Variants in FGD2 observed in about 807,000 individuals in gnomAD.
The protein encoded by FGD2 is FYVE, RhoGEF and PH domain containing 2, also known as FYVE, RhoGEF and PH domain-containing protein 2.
A neutral mutation model predicts 75.9 loss-of-function variants in FGD2; 52 were observed. The ratio of observed to expected loss-of-function variants is 0.69; its 90% CI spans 0.55 to 0.86. The LOEUF (loss-of-function observed/expected upper bound fraction) is 0.86. FGD2 is among the 40% of genes least tolerant of loss of function. The pLI, the probability that FGD2 is intolerant of heterozygous loss-of-function variation, is 0.00. For synonymous variants in FGD2, 347 were observed against 348.6 expected, an observed-to-expected ratio of 1.00 and a Z score of 0.05; for missense variants, 790 against 872.0, an observed-to-expected ratio of 0.91 and a Z score of 1.18.
At chr6:37,023,426 C>T (rs377365122) in intron 13 of FGD2, 1 of 152,352 alleles carries the variant, frequency 6.6e-6, no homozygotes, top group East Asian at 1.9e-4. Flanking sequence ...GTACTGTGTC[C>T]ACTACAGTTT....
chr6:37,027,938 C>T lies in FGD2; in HGVS notation c.1753-10C>T. The T allele has an allele frequency of 6.2e-7, 1 of 1,613,374 alleles. No homozygotes were observed. Among genetic ancestry groups the T allele is most frequent in the African/African-American group, 1.3e-5 (1 of 75,048 alleles). Reference sequence around the variant, plus strand: ...GGGGACAGTGGCCCACTGCTCTCTCCTCCCCCCAGGACATGAGGGCTCACA... The same window carrying T: ...GGGGACAGTGGCCCACTGCTCTCTCTTCCCCCCAGGACATGAGGGCTCACA... On this transcript the variant is annotated splice_polypyrimidine_tract_variant and intron_variant, in intron 15 of 15. Transcript: ENST00000274963.
Position 37,013,686 on chromosome 6 carries a change from A to C in FGD2, c.605A>C (p.Asn202Thr), listed in dbSNP as rs1171224213. Residue 202 changes from asparagine to threonine, a missense_variant, in exon 5 of 16, where the codon AAC (asparagine) becomes ACC (threonine). Asn to Thr is a moderately conservative substitution (Grantham distance 65). Coordinates refer to ENST00000274963, the MANE Select transcript of FGD2 (RefSeq NM_173558.4). Reference sequence around the variant, plus strand: ...AAGATGTACAGTGAGTATGTCAAGAACTTTGAGCGAGCGGCTGAGCTGCTG... The same window carrying C: ...AAGATGTACAGTGAGTATGTCAAGACCTTTGAGCGAGCGGCTGAGCTGCTG... ...FLKMYSEYVK[N>T]FERAAELLAT... 6.2e-7 allele frequency: 1 copy of C among 1,613,964 alleles called. No homozygotes were observed. The highest frequency in any genetic ancestry group is 1.3e-5 in the African/African-American group (1 of 74,896).
At position 37,008,758 on chromosome 6, in the gene FGD2, A is replaced by C. The variant is rs1464902570; in HGVS notation, c.69-76A>C. 12 of 1,443,084 alleles carry C rather than the reference A, an allele frequency of 8.3e-6. 1 individual carries two copies. In the East Asian group the frequency reaches 2.8e-4, roughly 34 times the overall value. 89.4% of individuals were successfully genotyped at this position (1,443,084 alleles called of 1,614,324 possible). A position where few individuals can be genotyped will look rare whatever the true frequency, so the allele number is the denominator to read the frequency against. On this transcript the variant is annotated intron_variant, in intron 1 of 15. Coordinates refer to ENST00000274963, the MANE Select transcript of FGD2 (RefSeq NM_173558.4). Reference sequence around the variant, plus strand: ...CTGGGGATTTGCACCAGGCAACCCAAATCCACACCAGGGACTTGCTGCTGT... The same window carrying C: ...CTGGGGATTTGCACCAGGCAACCCACATCCACACCAGGGACTTGCTGCTGT...
intron 4 of FGD2, 95 bp downstream of exon 4, chr6:37,011,949 C>G: frequency 7.1e-7 from 1 of 1,409,120 alleles, no homozygotes; most frequent in Non-Finnish European, 9.5e-7. Flanking sequence ...CCTCCTAGGC[C>G]CAGGCCCTTA....
At chr6:37,006,029 G>A in intron 1 of FGD2, 144 bp downstream of exon 1, 1 of 912,044 alleles carries the variant, frequency 1.1e-6, no homozygotes, top group Non-Finnish European at 1.7e-6. Flanking sequence ...ATTCCTTGGA[G>A]CATGGGAGAG....
In FGD2 at chr6:37,015,763, T is replaced by C; in HGVS notation, c.1030-5T>C. ...ACGGGCCACTCACGCCTGTGTCTCC[T>C]GCAGTTCAACAACATGCTGCTCTAC... On this transcript the variant is annotated splice_polypyrimidine_tract_variant and splice_region_variant and intron_variant, in intron 8 of 15. Transcript: ENST00000274963. The C allele has an allele frequency of 6.3e-7, 1 of 1,581,358 alleles. No homozygotes were observed. Among genetic ancestry groups the C allele is most frequent in the African/African-American group, 1.3e-5 (1 of 74,752 alleles).
chr6:37,019,027 G>C (rs1285245109), intron 9 of FGD2, among the ~76,000 whole-genome samples: 3 of 152,170 alleles, frequency 2.0e-5, no homozygotes, highest in African/African-American at 4.8e-5. Flanking sequence ...TGGACCCTCA[G>C]GTCAGGAGCC....
At chr6:37,020,975 T>C (rs911694291) in intron 11 of FGD2, among the ~76,000 whole-genome samples, 1 of 151,350 alleles carries the variant, frequency 6.6e-6, no homozygotes, top group African/African-American at 2.4e-5. Flanking sequence ...TTTGTGTGTG[T>C]GTTTGTGTGT....
At chr6:37,011,640 TC>T (rs1226259477) in intron 3 of FGD2, 65 bp from the exon 4 acceptor site, 3 of 1,603,166 alleles carry the variant, frequency 1.9e-6, no homozygotes, top group Non-Finnish European at 2.6e-6. Flanking sequence ...GGACCCTAGT[TC>T]CCCCGGGCTG....
chr6:37,027,388 C>T (rs142515061), intron 14 of FGD2, 41 bp from the exon 15 acceptor site: 14 of 1,569,682 alleles, frequency 8.9e-6, no homozygotes, highest in Middle Eastern at 1.7e-4. Context: ...CTGGCACTTG[C>T]GGCTGCTCTG....
chr6:37,014,733 T>A, intron 7 of FGD2, 29 bp downstream of exon 7: 1 of 1,613,758 alleles, frequency 6.2e-7, no homozygotes, highest in African/African-American at 1.3e-5. Context: ...CCTGGAGCCC[T>A]GTCCCCCTCC....
In FGD2 at chr6:37,006,161, C is replaced by T. The variant is rs565511295; in HGVS notation, c.68+276C>T. 2.6e-5 allele frequency among the ~76,000 whole-genome samples: 4 copies of T among 152,306 alleles called. No homozygotes were observed. The East Asian group carries it at 7.7e-4, about 29-fold the overall frequency. On this transcript the variant is annotated intron_variant, in intron 1 of 15. Coordinates refer to ENST00000274963, the MANE Select transcript of FGD2 (RefSeq NM_173558.4). ...AAAGCCTGTGTGTGGGCACAGGACCCCACCCAGTGCCTGCCAGCACCTCTC... is the reference window on the plus strand; with the variant it reads ...AAAGCCTGTGTGTGGGCACAGGACCTCACCCAGTGCCTGCCAGCACCTCTC...
At chr6:37,024,104 G>C (rs778014266) in intron 13 of FGD2, 11 of 152,190 alleles carry the variant, frequency 7.2e-5, no homozygotes, top group Non-Finnish European at 1.6e-4. Flanking sequence ...ACTTTGGGAG[G>C]CCGAGGTGAG....
intron 2 of FGD2, chr6:37,010,167 G>T (rs1764940397): frequency 6.6e-6 from 1 of 152,156 alleles, no homozygotes; most frequent in African/African-American, 2.4e-5. Context: ...AAATGCCCCA[G>T]ACTTCAACAC....
rs562606617 is a variant in FGD2 at position 37,005,901 on chromosome 6, G to T, written c.68+16G>T. On this transcript the variant is annotated intron_variant, in intron 1 of 15. Coordinates refer to ENST00000274963, the MANE Select transcript of FGD2 (RefSeq NM_173558.4). ...AGAATAGCAGGTATGGGCAGCTGGG[G>T]TGGGAGGGTCACCATGGTGGGCTGG... 4.3e-6 allele frequency: 7 copies of T among 1,612,524 alleles called. No individual in the cohort carries two copies. The highest frequency in any genetic ancestry group is 1.1e-5 in the South Asian group (1 of 90,512).
chr6:37,028,190 C>A lies in FGD2; in HGVS notation c.*27C>A. ...CCACTGCCAGCCGCTCTCCTGCCCACCTCTCCCCACCCTGAACCCAGCTCC... is the reference window on the plus strand; with the variant it reads ...CCACTGCCAGCCGCTCTCCTGCCCAACTCTCCCCACCCTGAACCCAGCTCC... On this transcript the variant is annotated 3_prime_UTR_variant, in exon 16 of 16. Transcript: ENST00000274963. The A allele has an allele frequency of 6.6e-7, 1 of 1,507,136 alleles. No individual in the cohort carries two copies. The highest frequency in any genetic ancestry group is 8.9e-7 in the Non-Finnish European group (1 of 1,124,096). The allele number at this position is 1,507,136 out of a possible 1,614,324, so 93.4% of individuals were successfully genotyped here. A position where few individuals can be genotyped will look rare whatever the true frequency, so the allele number is the denominator to read the frequency against.
Position 37,027,757 on chromosome 6 carries a change from G to A in FGD2, c.1752+182G>A, listed in dbSNP as rs1012510301. 1.7e-5 allele frequency: 17 copies of A among 1,029,346 alleles called. No homozygotes were observed. The African/African-American group carries it at 1.9e-4, about 12-fold the overall frequency. 63.8% of individuals were successfully genotyped at this position (1,029,346 alleles called of 1,614,324 possible). On this transcript the variant is annotated intron_variant, in intron 15 of 15. Coordinates refer to ENST00000274963, the MANE Select transcript of FGD2 (RefSeq NM_173558.4). ...TTTCAGAATTGTGCCCTGACTCTAGGTCACCACTGCTTTGCCCTCAGAGGC... is the reference window on the plus strand; with the variant it reads ...TTTCAGAATTGTGCCCTGACTCTAGATCACCACTGCTTTGCCCTCAGAGGC...
At chr6:37,009,912 G>T (rs1460317039) in intron 2 of FGD2, 2 of 151,568 alleles carry the variant, frequency 1.3e-5, no homozygotes, top group Admixed American at 6.6e-5. Flanking sequence ...TACTCAGTAG[G>T]CTGAGACAGG....
intron 14 of FGD2, 153 bp downstream of exon 14, chr6:37,026,091 A>G (rs1454011466): frequency 1.0e-6 from 1 of 984,656 alleles, no homozygotes; most frequent in Non-Finnish European, 1.2e-6. Context: ...CTGCCCACAG[A>G]CCCCAGGCCT....
Sources: allele counts gnomAD v4.1 joint callset (sites outside exome capture counted in the v4.1 genomes callset), GRCh38; gene constraint gnomAD v4.1.1; transcripts MANE v1.5; gene names NCBI Gene and HGNC (gene_info 2026-07-23, HGNC 2026-07-21).